Variants in BCHE observed in about 807,000 individuals in gnomAD.
BCHE encodes the protein cholinesterase.
BCHE carries 48 observed loss-of-function variants against 51.3 expected under a neutral mutation model. That is an observed-to-expected ratio of 0.94 (90% CI 0.74 to 1.19). The LOEUF (loss-of-function observed/expected upper bound fraction) is 1.19. Ranked by LOEUF, BCHE falls within the 50% of genes most tolerant of loss-of-function variation. BCHE has a pLI of 0.00. For synonymous variants in BCHE, 251 were observed against 238.0 expected (o/e 1.05, Z -0.50); for missense variants, 847 against 708.2 (o/e 1.20, Z -2.23).
intron 2 of BCHE, among the ~76,000 whole-genome samples, chr3:165,791,727 C>T (rs1348620800): frequency 5.3e-5 from 8 of 152,020 alleles, no homozygotes; most frequent in Admixed American, 4.6e-4. Flanking sequence ...CCAAGGCAGG[C>T]GGATCACTTG....
intron 2 of BCHE, among the ~76,000 whole-genome samples, chr3:165,829,312 A>G (rs1714854489): frequency 6.6e-6 from 1 of 152,138 alleles, no homozygotes; most frequent in African/African-American, 2.4e-5. Context: ...TTTTTATAAA[A>G]TTTCTAAGAT....
chr3:165,802,091 T>C (rs1398211600), intron 2 of BCHE, among the ~76,000 whole-genome samples: 2 of 152,188 alleles, frequency 1.3e-5, no homozygotes, highest in Non-Finnish European at 1.5e-5. Flanking sequence ...CACTCTGAGG[T>C]GAGAACTGTA....
intron 3 of BCHE, among the ~76,000 whole-genome samples, chr3:165,781,344 A>G (rs74673814): frequency 0.026 from 3,754 of 146,514 alleles, 149 homozygotes; most frequent in African/African-American, 0.091. Context: ...AAAGCCTATC[A>G]GTGATAGACT....
chr3:165,832,614 A>G (rs1014020240), intron 1 of BCHE, among the ~76,000 whole-genome samples: 3 of 152,144 alleles, frequency 2.0e-5, no homozygotes, highest in Admixed American at 6.6e-5. Flanking sequence ...ATGTGTTTAT[A>G]TAACTAAAAT....
intron 2 of BCHE, among the ~76,000 whole-genome samples, chr3:165,799,906 T>C (rs1376339367): frequency 1.3e-5 from 2 of 152,090 alleles, no homozygotes; most frequent in Non-Finnish European, 2.9e-5. Context: ...CACAATTCTT[T>C]TTTCCCAATT....
chr3:165,829,086 C>T (rs1003710083), intron 2 of BCHE, among the ~76,000 whole-genome samples: 12 of 152,076 alleles, frequency 7.9e-5, no homozygotes, highest in Non-Finnish European at 1.3e-4. Flanking sequence ...AGCAGAGATA[C>T]ATTACTTCAT....
chr3:165,804,124 G>A (rs1713781601), intron 2 of BCHE, among the ~76,000 whole-genome samples: 1 of 151,618 alleles, frequency 6.6e-6, no homozygotes, highest in African/African-American at 2.4e-5. Flanking sequence ...TCAAGGAGGA[G>A]AGAGACTACA....
intron 2 of BCHE, among the ~76,000 whole-genome samples, chr3:165,821,591 T>G (rs1418282302): frequency 5.9e-5 from 9 of 151,954 alleles, no homozygotes; most frequent in African/African-American, 2.2e-4. Context: ...TTAAAAACAT[T>G]AGAGAACAAA....
rs1335552371 is a variant in BCHE at position 165,773,141 on chromosome 3, A to G, written c.*241T>C. 10 of 340,302 alleles carry G rather than the reference A, an allele frequency of 2.9e-5. No individual in the cohort carries two copies. Among genetic ancestry groups the G allele is most frequent in the Non-Finnish European group, 5.3e-5 (10 of 189,420 alleles). 21.1% of individuals were successfully genotyped at this position (340,302 alleles called of 1,614,324 possible). ...AGAAATTGAACCAGGCCATTGTTTTAATATGCACATAATTAACTGTAGAAC... is the reference window on the plus strand; with the variant it reads ...AGAAATTGAACCAGGCCATTGTTTTGATATGCACATAATTAACTGTAGAAC... On this transcript the variant is annotated 3_prime_UTR_variant, in exon 4 of 4. Coordinates refer to ENST00000264381, the MANE Select transcript of BCHE (RefSeq NM_000055.4).
intron 1 of BCHE, among the ~76,000 whole-genome samples, chr3:165,833,671 A>G (rs369150314): frequency 9.9e-5 from 15 of 152,244 alleles, no homozygotes; most frequent in African/African-American, 3.4e-4. Flanking sequence ...AGACATAATC[A>G]AAGTTTTAGA....
At chr3:165,788,004 ACT>A (rs968276668) in intron 2 of BCHE, among the ~76,000 whole-genome samples, 1 of 151,906 alleles carries the variant, frequency 6.6e-6, no homozygotes, top group African/African-American at 2.4e-5. Flanking sequence ...ATTAAGAAAA[ACT>A]CTGGTTGAAA....
chr3:165,782,603 TAA>T (rs1712751035), intron 3 of BCHE, among the ~76,000 whole-genome samples: 1 of 152,160 alleles, frequency 6.6e-6, no homozygotes, highest in Admixed American at 6.6e-5. Context: ...TCACCAGAGC[TAA>T]GTCTATTTAA....
chr3:165,821,518 C>A (rs1394548418), intron 2 of BCHE, among the ~76,000 whole-genome samples: 1 of 150,820 alleles, frequency 6.6e-6, no homozygotes, highest in East Asian at 1.9e-4. Flanking sequence ...TATTTCAATC[C>A]ATTTTTTACT....
At chr3:165,779,610 A>G (rs1712605692) in intron 3 of BCHE, among the ~76,000 whole-genome samples, 1 of 152,096 alleles carries the variant, frequency 6.6e-6, no homozygotes, top group African/African-American at 2.4e-5. Context: ...AAGCATTCCT[A>G]TACACCAATA....
intron 3 of BCHE, among the ~76,000 whole-genome samples, chr3:165,775,576 G>A (rs555628531): frequency 2.9e-4 from 44 of 151,206 alleles, no homozygotes; most frequent in Non-Finnish European, 5.9e-4. Context: ...TTAAAATTTA[G>A]ACCATGAATT....
chr3:165,828,864 G>A (rs969867258), intron 2 of BCHE, among the ~76,000 whole-genome samples: 5 of 151,906 alleles, frequency 3.3e-5, no homozygotes, highest in South Asian at 2.1e-4. Context: ...TATGTTTTTT[G>A]TAATGTCTCT....
At chr3:165,823,615 T>C (rs764721447) in intron 2 of BCHE, among the ~76,000 whole-genome samples, 10 of 151,984 alleles carry the variant, frequency 6.6e-5, no homozygotes, top group Admixed American at 2.0e-4. Context: ...TCCTATGAAG[T>C]ATTATATTTA....
chr3:165,828,897 G>T (rs922439232), intron 2 of BCHE, among the ~76,000 whole-genome samples: 1 of 152,050 alleles, frequency 6.6e-6, no homozygotes, highest in African/African-American at 2.4e-5. Flanking sequence ...TCAGCCATAA[G>T]ACTGCTCAGG....
chr3:165,825,623 A>G (rs1714691307), intron 2 of BCHE, among the ~76,000 whole-genome samples: 1 of 152,058 alleles, frequency 6.6e-6, no homozygotes, highest in African/African-American at 2.4e-5. Context: ...ACACATGTAT[A>G]CATGTGCCGT....
Sources: allele counts gnomAD v4.1 joint callset (sites outside exome capture counted in the v4.1 genomes callset), GRCh38; gene constraint gnomAD v4.1.1; transcripts MANE v1.5; gene names NCBI Gene and HGNC (gene_info 2026-07-23, HGNC 2026-07-21).